Variants in TNK2 observed in about 807,000 individuals in gnomAD.
The protein encoded by TNK2 is tyrosine kinase non receptor 2, also known as activated CDC42 kinase 1.
Under a neutral mutation model 101.8 loss-of-function variants are expected in TNK2, and 83 were observed. The ratio of observed to expected loss-of-function variants is 0.82; its 90% CI spans 0.68 to 0.98. The LOEUF (loss-of-function observed/expected upper bound fraction) is 0.98, where lower values mean the gene tolerates loss of function less well. Ranked by LOEUF, TNK2 falls within the 50% of genes least tolerant of loss-of-function variation. The probability of loss-of-function intolerance (pLI) is 0.00; values close to 1 mark genes in which losing one functional copy is unlikely to be tolerated. For missense variants in TNK2, 1,665 were observed against 1,483.2 expected (o/e 1.12, Z -2.01); for synonymous variants, 804 against 633.0 (o/e 1.27, Z -4.06).
intron 9 of TNK2, among the ~76,000 whole-genome samples, chr3:195,875,505 G>A (rs972677999): frequency 1.3e-5 from 2 of 151,852 alleles, no homozygotes; most frequent in East Asian, 1.9e-4. Context: ...CTCCAAGGCA[G>A]CTTCATCCCA....
chr3:195,887,931 T>TGC (rs1560528697), intron 2 of TNK2, among the ~76,000 whole-genome samples: 1 of 131,078 alleles, frequency 7.6e-6, no homozygotes, highest in African/African-American at 3.3e-5. Flanking sequence ...CGTGCACGTG[T>TGC]GTGCGCATGT....
intron 9 of TNK2, chr3:195,876,719 C>G: frequency 2.2e-6 from 1 of 444,848 alleles, no homozygotes; most frequent in Non-Finnish European, 4.5e-6. Flanking sequence ...CCACAGGGAA[C>G]CAGCGGCTGG....
At chr3:195,872,836 C>T (rs983423621) in intron 9 of TNK2, 2 of 230,536 alleles carry the variant, frequency 8.7e-6, no homozygotes, top group African/African-American at 2.3e-5. Context: ...GCCAGCGCCC[C>T]GCCCACACCT....
chr3:195,888,670 G>A lies in TNK2; in HGVS notation c.-18-64C>T. The A allele has an allele frequency of 6.8e-7, 1 of 1,462,754 alleles. No homozygotes were observed. The highest frequency in any genetic ancestry group is 9.2e-7 in the Non-Finnish European group (1 of 1,087,930). The allele number at this position is 1,462,754 out of a possible 1,614,324, so 90.6% of individuals were successfully genotyped here. The stretch of plus-strand genomic sequence containing the variant: ...GGGGACAACAGGGGCCTGCCCGAGT[G>A]ACCTGGGCTCACCTTCATCCCACTA... On this transcript the variant is annotated intron_variant, in intron 1 of 15. Coordinates refer to ENST00000672887, the MANE Select transcript of TNK2 (RefSeq NM_001382273.1). This position sits in a 1 kb window ranked among gnomAD's most constrained non-coding sequence, Gnocchi z 5.3.
rs189301416 is a variant in TNK2, at chr3:195,899,662, G to T, written c.-19+8823C>A. 1.5e-3 allele frequency among the ~76,000 whole-genome samples: 230 copies of T among 152,258 alleles called. 3 individuals are homozygous for T. The highest frequency in any genetic ancestry group is 5.1e-3 in the African/African-American group (210 of 41,536). On this transcript the variant is annotated intron_variant, in intron 1 of 15. Coordinates refer to ENST00000672887, the MANE Select transcript of TNK2 (RefSeq NM_001382273.1). ...TTAAAAAGTTTAAATTATCCATCAC[G>T]TTCCTATCCTTAAAGGGTCACTATT...
At chr3:195,891,920 A>T in intron 1 of TNK2, 2 of 987,434 alleles carry the variant, frequency 2.0e-6, no homozygotes, top group Non-Finnish European at 2.4e-6. Flanking sequence ...ACCTCTGTTC[A>T]GCTGTGCACT....
chr3:195,879,393 CA>C, intron 6 of TNK2: 1 of 538,276 alleles, frequency 1.9e-6, no homozygotes. Flanking sequence ...TATTCACTTG[CA>C]GCCTGGTGGG....
intron 1 of TNK2, among the ~76,000 whole-genome samples, chr3:195,901,173 G>A (rs1761166130): frequency 6.6e-6 from 1 of 152,204 alleles, no homozygotes; most frequent in African/African-American, 2.4e-5. Context: ...ACTGGACCCT[G>A]CTCACCATCT....
chr3:195,874,342 G>C (rs1054791581), intron 9 of TNK2, among the ~76,000 whole-genome samples: 1 of 152,238 alleles, frequency 6.6e-6, no homozygotes, highest in Non-Finnish European at 1.5e-5. Context: ...TTCTGAGAGG[G>C]AAAGGAGACA....
At chr3:195,906,130 C>T (rs1761689926) in intron 1 of TNK2, among the ~76,000 whole-genome samples, 1 of 152,196 alleles carries the variant, frequency 6.6e-6, no homozygotes, top group Admixed American at 6.5e-5. Flanking sequence ...GATACCACTA[C>T]AGACATGAGA....
chr3:195,888,697 A>G lies in TNK2; in HGVS notation c.-18-91T>C. On this transcript the variant is annotated intron_variant, in intron 1 of 15. Transcript: ENST00000672887. This position sits in a 1 kb window ranked among gnomAD's most constrained non-coding sequence, Gnocchi z 5.3. ...CCTGGGCTCACCTTCATCCCACTAC[A>G]CGGCCACCCGGAAGGGCTCACACCA... 7.8e-7 allele frequency: 1 copy of G among 1,274,830 alleles called. No individual in the cohort carries two copies. The highest frequency in any genetic ancestry group is 1.1e-6 in the Non-Finnish European group (1 of 942,026). 79.0% of individuals were successfully genotyped at this position (1,274,830 alleles called of 1,614,324 possible).
intron 15 of TNK2, among the ~76,000 whole-genome samples, chr3:195,865,649 G>A (rs572891852): frequency 6.7e-6 from 1 of 150,332 alleles, no homozygotes; most frequent in East Asian, 2.0e-4. Context: ...GACAATGACA[G>A]ACAGGTGACA....
intron 1 of TNK2, chr3:195,894,468 T>C (rs1759813991): frequency 6.6e-6 from 1 of 151,062 alleles, no homozygotes; most frequent in Non-Finnish European, 1.5e-5. Context: ...CAGGCTTGAG[T>C]GCAGTGGCGC....
Position 195,868,575 on chromosome 3 carries a change from C to G in TNK2, c.1723G>C (p.Ala575Pro). 3 of 1,574,430 alleles carry G rather than the reference C, an allele frequency of 1.9e-6. No homozygotes were observed. The highest frequency in any genetic ancestry group is 2.6e-6 in the Non-Finnish European group (3 of 1,169,110). ...KPSARVPGTK[A>P]SRGSGAEVTL... is the part of the protein sequence containing the mutation. ...ACCTCAGCCCCGCTGCCTCGGCTGGCCTTGGTGCCCGGCACCCGCGCCGAG... is the reference window on the plus strand; with the variant it reads ...ACCTCAGCCCCGCTGCCTCGGCTGGGCTTGGTGCCCGGCACCCGCGCCGAG... Residue 575 changes from alanine (A) to proline (P), a missense_variant, in exon 13 of 16, where the codon GCC becomes CCC. Around this residue, in one of 3 missense-constraint regions of TNK2, gnomAD observed 1,136 missense variants for 894.9 expected, o/e 1.27. Transcript: ENST00000672887.
In TNK2 at chr3:195,878,353, G is replaced by A. The variant is rs1287397758; in HGVS notation, c.1162-6C>T. ...CGCATGTCTGTGGGCTGGGCCTGGA[G>A]GAAGAGGAAGGTCGTGGCCAACTCT... On this transcript the variant is annotated splice_polypyrimidine_tract_variant and splice_region_variant and intron_variant, in intron 8 of 15. Coordinates refer to ENST00000672887, the MANE Select transcript of TNK2 (RefSeq NM_001382273.1). The surrounding 1 kb of genome is among the most constrained non-coding windows in gnomAD (Gnocchi z 4.7). 2.5e-6 allele frequency: 4 copies of A among 1,614,058 alleles called. No homozygotes were observed. The highest frequency in any genetic ancestry group is 1.3e-5 in the African/African-American group (1 of 75,048).
At chr3:195,889,380 A>T (rs1757436793) in intron 1 of TNK2, among the ~76,000 whole-genome samples, 1 of 152,204 alleles carries the variant, frequency 6.6e-6, no homozygotes, top group Non-Finnish European at 1.5e-5. Flanking sequence ...TGGAAAAGGT[A>T]ATATATGCAC....
Position 195,867,891 on chromosome 3 carries a change from C to A in TNK2, c.2407G>T (p.Gly803Cys). 6.5e-7 allele frequency: 1 copy of A among 1,531,020 alleles called. No individual in the cohort carries two copies. 94.8% of individuals were successfully genotyped at this position (1,531,020 alleles called of 1,614,324 possible). The change falls in exon 13 of 16, where the codon GGC becomes TGC. Residue 803 changes from glycine (G) to cysteine (C), a missense_variant. Physicochemically the swap from Gly to Cys is radical, Grantham distance 159 (BLOSUM62 -3). Around this residue, in one of 3 missense-constraint regions of TNK2, gnomAD observed 1,136 missense variants for 894.9 expected, o/e 1.27. Transcript: ENST00000672887. ...ACCAGGGGGCTGGGTGTCCTCGAGCCTTGAGGGGACAGGGGCTCCCGCGGA... is the reference window on the plus strand; with the variant it reads ...ACCAGGGGGCTGGGTGTCCTCGAGCATTGAGGGGACAGGGGCTCCCGCGGA... ...VPPREPLSPQ[G>C]SRTPSPLVPP...
chr3:195,882,311 A>G lies in TNK2; in HGVS notation c.627T>C (p.Pro209=), dbSNP rs1362760011. 49 of 1,611,862 alleles carry G rather than the reference A, an allele frequency of 3.0e-5. No individual in the cohort carries two copies. The highest frequency in any genetic ancestry group is 3.8e-5 in the Non-Finnish European group (45 of 1,178,644). ...PPMKMVTELA[P]LGSLLDRLRK... ...GTAGCCGGTCCAACAACGATCCCAG[A>G]GGTGCCAGCTCTGTCACCTGAGGCC... The change falls in exon 6 of 16, where the codon CCT becomes CCC. Residue 209 remains proline (P), a synonymous_variant. Transcript: ENST00000672887. This position sits in a 1 kb window ranked among gnomAD's most constrained non-coding sequence, Gnocchi z 4.2.
At chr3:195,887,466 C>T (rs929440567) in intron 2 of TNK2, among the ~76,000 whole-genome samples, 3 of 152,222 alleles carry the variant, frequency 2.0e-5, no homozygotes, top group Non-Finnish European at 4.4e-5. Context: ...TTAACTAAGT[C>T]AGTGTCTAAC....
Sources: allele counts gnomAD v4.1 joint callset (sites outside exome capture counted in the v4.1 genomes callset), GRCh38; gene constraint gnomAD v4.1.1; regional missense constraint gnomAD v4.1.1; non-coding constraint Gnocchi (gnomAD v3.1); transcripts MANE v1.5; gene names NCBI Gene and HGNC (gene_info 2026-07-23, HGNC 2026-07-21).